DMD: variants seen among roughly 807,000 people sequenced by gnomAD.
DMD encodes the protein mutant dystrophin.
DMD carries 63 observed loss-of-function variants against 330.1 expected under a neutral mutation model. The observed-to-expected ratio is 0.19, with a 90% confidence interval of 0.16 to 0.24. The LOEUF is 0.24. Among genes scored for constraint, DMD ranks in the 10% least tolerant of loss-of-function variants. The probability of loss-of-function intolerance (pLI) is 1.00; values close to 1 mark genes in which losing one functional copy is unlikely to be tolerated. For missense variants in DMD, 3,344 were observed against 2,684.1 expected (o/e 1.25, Z -5.43); for synonymous variants, 1,223 against 959.8 (o/e 1.27, Z -5.07).
At chrX:33,103,585 G>T (rs5971685) in intron 1 of DMD, among the ~76,000 whole-genome samples, 1 of 108,044 alleles carries the variant, frequency 9.3e-6, no homozygotes, top group Non-Finnish European at 1.9e-5. Flanking sequence ...CCTACCGAAA[G>T]CTTATAAAAC....
chrX:31,837,576 A>G (rs1478921378), intron 48 of DMD, among the ~76,000 whole-genome samples: 1 of 111,860 alleles, frequency 8.9e-6, no homozygotes, highest in African/African-American at 3.2e-5. Flanking sequence ...AACACTTGTT[A>G]AACACTAGGA....
At chrX:31,462,171 C>A (rs942256880) in intron 59 of DMD, among the ~76,000 whole-genome samples, 4 of 112,059 alleles carry the variant, frequency 3.6e-5, no homozygotes, top group Non-Finnish European at 7.5e-5. Flanking sequence ...GTGACACAGA[C>A]AATGACTGGT....
At chrX:31,648,102 T>C (rs765300966) in intron 54 of DMD, among the ~76,000 whole-genome samples, 11 of 111,356 alleles carry the variant, frequency 9.9e-5, no homozygotes, top group Non-Finnish European at 2.1e-4. Flanking sequence ...AATGAAAAAA[T>C]AAAACTATCT....
intron 44 of DMD, chrX:32,155,515 TTGTG>T: frequency 1.6e-6 from 1 of 640,453 alleles, no homozygotes; most frequent in Non-Finnish European, 1.9e-6. Context: ...TCAGCCAACT[TTGTG>T]TGTAGCAAAG....
chrX:32,337,789 A>T (rs745940008), intron 41 of DMD, among the ~76,000 whole-genome samples: 1 of 111,124 alleles, frequency 9.0e-6, no homozygotes, highest in Admixed American at 9.7e-5. Context: ...TTTACACAGG[A>T]TCAGTCAAAC....
intron 9 of DMD, among the ~76,000 whole-genome samples, chrX:32,692,645 C>T (rs1451381856): frequency 1.8e-5 from 2 of 111,985 alleles, no homozygotes; most frequent in African/African-American, 6.5e-5. Context: ...GATTGTTCCT[C>T]AGCAACCTCA....
intron 2 of DMD, among the ~76,000 whole-genome samples, chrX:32,913,109 A>G (rs752724344): frequency 9.0e-6 from 1 of 111,687 alleles, no homozygotes; most frequent in South Asian, 3.8e-4. Flanking sequence ...AGCAGATCAG[A>G]GGCTTCAGTA....
At chrX:32,196,986 C>CAAAAAAAAAAAAAAAAAAAAA (rs71872245) in intron 44 of DMD, among the ~76,000 whole-genome samples, 5 of 49,634 alleles carry the variant, frequency 1.0e-4, no homozygotes, top group Non-Finnish European at 1.7e-4. Context: ...GACTCCATCT[C>CAAAAAAAAAAAAAAAAAAAAA]AAAAAAAAAA....
At chrX:31,192,739 C>A (rs969043859) in intron 67 of DMD, among the ~76,000 whole-genome samples, 2 of 111,873 alleles carry the variant, frequency 1.8e-5, no homozygotes, top group African/African-American at 6.5e-5. Context: ...AGATTATCTA[C>A]GATTTTAATA....
At chrX:31,425,583 T>C (rs755841743) in intron 60 of DMD, among the ~76,000 whole-genome samples, 1 of 111,312 alleles carries the variant, frequency 9.0e-6, no homozygotes, top group South Asian at 3.7e-4. Context: ...TAGCCAGTGA[T>C]TGGCTTAAAG....
chrX:31,750,326 G>A (rs1487665068), intron 51 of DMD, among the ~76,000 whole-genome samples: 1 of 106,145 alleles, frequency 9.4e-6, no homozygotes. Flanking sequence ...TTTGTATAAG[G>A]TGTAAGGAAG....
chrX:32,904,372 A>G (rs998653719), intron 2 of DMD, among the ~76,000 whole-genome samples: 1 of 111,258 alleles, frequency 9.0e-6, no homozygotes, highest in Non-Finnish European at 1.9e-5. Context: ...ATGTTTAGAA[A>G]TAGCAAGAGA....
Position 31,119,562 on chromosome X carries a change from C to G in DMD, c.*2357G>C, listed in dbSNP as rs1484723440. 1 of 112,300 alleles carries G rather than the reference C, an allele frequency of 8.9e-6. No individual in the cohort carries two copies. Among genetic ancestry groups the G allele is most frequent in the African/African-American group, 3.2e-5 (1 of 30,876 alleles). 9.3% of individuals were successfully genotyped at this position (112,300 alleles called of 1,213,427 possible). A position where few individuals can be genotyped will look rare whatever the true frequency, so the allele number is the denominator to read the frequency against. ...ATGCTTAAAATGCAGCAATAAAGCTCTCAATTTTTGTTCAAATATTATGAC... is the reference window on the plus strand; with the variant it reads ...ATGCTTAAAATGCAGCAATAAAGCTGTCAATTTTTGTTCAAATATTATGAC... On this transcript the variant is annotated 3_prime_UTR_variant, in exon 79 of 79. Coordinates refer to ENST00000357033, the MANE Select transcript of DMD (RefSeq NM_004006.3).
chrX:31,421,252 C>T lies in DMD; in HGVS notation c.9084+23229G>A, dbSNP rs1229800612. Among the ~76,000 whole-genome samples the T allele has an allele frequency of 2.7e-5, 3 of 111,995 alleles. No individual in the cohort carries two copies. In the Admixed American group the frequency reaches 2.9e-4, roughly 11 times the overall value. On this transcript the variant is annotated intron_variant, in intron 60 of 78. Coordinates refer to ENST00000357033, the MANE Select transcript of DMD (RefSeq NM_004006.3). ...ATTTTTCAGATGTGATGTTTACTTT[C>T]TTTTCCAAGAGGTTCTTTGGAGGAA...
intron 51 of DMD, among the ~76,000 whole-genome samples, chrX:31,736,255 T>C (rs898572117): frequency 4.5e-5 from 5 of 111,823 alleles, no homozygotes; most frequent in Admixed American, 3.8e-4. Context: ...AAAAAATGTA[T>C]TTTGGGGGAA....
intron 47 of DMD, among the ~76,000 whole-genome samples, chrX:31,918,985 TC>T (rs767044668): frequency 6.2e-5 from 7 of 112,069 alleles, no homozygotes; most frequent in Non-Finnish European, 1.1e-4. Context: ...TTTTGTCTGC[TC>T]CCAAACTATA....
Position 33,062,447 on chromosome X carries a change from G to A in DMD, c.32-42247C>T, listed in dbSNP as rs539507527. ...TTTGTTTCTTCCTGGAATTCAAGGA[G>A]TTTATTCTACAATTTTTGTTTTTAT... is the stretch of plus-strand genomic sequence containing the variant. On this transcript the variant is annotated intron_variant, in intron 1 of 78. Coordinates refer to ENST00000357033, the MANE Select transcript of DMD (RefSeq NM_004006.3). 6.2e-4 allele frequency among the ~76,000 whole-genome samples: 70 copies of A among 112,222 alleles called. 1 individual carries two copies. In the South Asian group the frequency reaches 0.023, roughly 37 times the overall value.
At chrX:32,508,098 G>C (rs2044821645) in intron 18 of DMD, among the ~76,000 whole-genome samples, 1 of 110,730 alleles carries the variant, frequency 9.0e-6, no homozygotes, top group Non-Finnish European at 1.9e-5. Context: ...GGGCCAACAA[G>C]ATATCACAAG....
At chrX:32,205,043 CCACA>C (rs201384394) in intron 44 of DMD, among the ~76,000 whole-genome samples, 1 of 33,498 alleles carries the variant, frequency 3.0e-5, no homozygotes, top group Non-Finnish European at 7.6e-5. Flanking sequence ...ACACACACAC[CCACA>C]CACACACAGT....
Sources: allele counts gnomAD v4.1 joint callset (sites outside exome capture counted in the v4.1 genomes callset), GRCh38; gene constraint gnomAD v4.1.1; transcripts MANE v1.5; gene names NCBI Gene and HGNC (gene_info 2026-07-23, HGNC 2026-07-21).